The following CTNND2 variants were observed in gnomAD, a reference collection of about 807,000 sequenced individuals.
The protein encoded by CTNND2 is catenin delta-2.
CTNND2 carries 22 observed loss-of-function variants against 144.4 expected under a neutral mutation model. The ratio of observed to expected loss-of-function variants is 0.15; its 90% CI spans 0.11 to 0.22. The LOEUF is 0.22. CTNND2 is among the 10% of genes least tolerant of loss of function. The probability of loss-of-function intolerance (pLI) is 1.00; values close to 1 mark genes in which losing one functional copy is unlikely to be tolerated. For synonymous variants in CTNND2, 751 were observed against 695.6 expected (o/e 1.08, Z -1.25); for missense variants, 1,353 against 1,618.8 (o/e 0.84, Z 2.82).
chr5:11,600,337 C>A (rs73742871), intron 2 of CTNND2, among the ~76,000 whole-genome samples: 10,577 of 152,154 alleles, frequency 0.07, 773 homozygotes, highest in African/African-American at 0.18. Context: ...TATGTATCAA[C>A]TATTTTCCAC....
At chr5:11,304,740 G>A (rs187348820) in intron 9 of CTNND2, among the ~76,000 whole-genome samples, 6 of 152,192 alleles carry the variant, frequency 3.9e-5, no homozygotes, top group East Asian at 3.9e-4. Context: ...CTGTGCTCTC[G>A]GCAGAGAGTC....
chr5:11,768,149 G>A (rs1249581621), intron 1 of CTNND2, among the ~76,000 whole-genome samples: 3 of 152,048 alleles, frequency 2.0e-5, no homozygotes, highest in Non-Finnish European at 4.4e-5. Context: ...GTTTTCTGTG[G>A]TCTCTTCATT....
At position 11,225,301 on chromosome 5, in the gene CTNND2, G is replaced by A. The variant is rs927797180; in HGVS notation, c.1761+11390C>T. On this transcript the variant is annotated intron_variant, in intron 10 of 21. Transcript: ENST00000304623. ...GTGTAATCACTCTGAGCTTCCTTTT[G>A]GTTTTCTCTTAAAATCCTCTACTCC... 7.9e-5 allele frequency among the ~76,000 whole-genome samples: 12 copies of A among 152,154 alleles called. 1 individual carries two copies. Among genetic ancestry groups the A allele is most frequent in the Admixed American group, 3.9e-4 (6 of 15,294 alleles).
rs1316808911 is a variant in CTNND2 at position 11,396,938 on chromosome 5, G to T, written c.612+93C>A. 5.4e-6 allele frequency: 7 copies of T among 1,289,978 alleles called. No homozygotes were observed. In the Admixed American group the frequency reaches 1.6e-4, roughly 29 times the overall value. The allele number at this position is 1,289,978 out of a possible 1,614,324, so 79.9% of individuals were successfully genotyped here. The stretch of plus-strand genomic sequence containing the variant: ...GAGGGACACACCTACAAAAAAGGCA[G>T]GCTGGATCTCCACAATCTCCACATC... On this transcript the variant is annotated intron_variant, in intron 6 of 21. Coordinates refer to ENST00000304623, the MANE Select transcript of CTNND2 (RefSeq NM_001332.4).
In CTNND2 at chr5:11,025,167, T is replaced by G. The variant is rs16901210; in HGVS notation, c.2789-2188A>C. ...TTATCAGTCTATCTGGAGGAATATA[T>G]TTTAGTCCAAATTTTTGACCATCCA... On this transcript the variant is annotated intron_variant, in intron 16 of 21. Coordinates refer to ENST00000304623, the MANE Select transcript of CTNND2 (RefSeq NM_001332.4). Among the ~76,000 whole-genome samples the G allele has an allele frequency of 1.3e-3, 195 of 152,340 alleles. 4 individuals are homozygous for G. In the East Asian group the frequency reaches 0.034, roughly 27 times the overall value.
At chr5:11,873,944 C>T (rs372193444) in intron 1 of CTNND2, among the ~76,000 whole-genome samples, 2 of 152,274 alleles carry the variant, frequency 1.3e-5, no homozygotes, top group South Asian at 4.1e-4. Context: ...CTAGAAAAGG[C>T]AATCTAATAT....
At chr5:11,838,140 C>T (rs75537503) in intron 1 of CTNND2, among the ~76,000 whole-genome samples, 2,327 of 152,280 alleles carry the variant, frequency 0.015, 69 homozygotes, top group African/African-American at 0.053. Flanking sequence ...TCCTATAAAA[C>T]ATGCCCTTCC....
At chr5:11,211,881 T>A (rs1738675725) in intron 10 of CTNND2, among the ~76,000 whole-genome samples, 1 of 152,192 alleles carries the variant, frequency 6.6e-6, no homozygotes, top group African/African-American at 2.4e-5. Context: ...AAAGAATTTA[T>A]GATAGAAATG....
At chr5:11,697,186 C>T (rs1785181722) in intron 2 of CTNND2, among the ~76,000 whole-genome samples, 1 of 152,146 alleles carries the variant, frequency 6.6e-6, no homozygotes, top group Admixed American at 6.5e-5. Flanking sequence ...GTCAGAATTG[C>T]TCTCACTTTC....
intron 20 of CTNND2, among the ~76,000 whole-genome samples, chr5:10,984,795 C>T (rs189924034): frequency 1.3e-4 from 20 of 152,226 alleles, no homozygotes; most frequent in African/African-American, 4.6e-4. Context: ...CATAAGAGGC[C>T]GGGTGTGGTG....
chr5:11,030,754 G>GTTTTTTTTTTT (rs61312361), intron 16 of CTNND2, among the ~76,000 whole-genome samples: 6 of 100,724 alleles, frequency 6.0e-5, no homozygotes, highest in Admixed American at 9.8e-5. Context: ...TATGGTTTCT[G>GTTTTTTTTTTT]TTTTTTTTTT....
intron 16 of CTNND2, among the ~76,000 whole-genome samples, chr5:11,080,449 T>C (rs1228451761): frequency 6.6e-6 from 1 of 152,226 alleles, no homozygotes; most frequent in African/African-American, 2.4e-5. Flanking sequence ...AATTACTATA[T>C]GATCCAGTAA....
chr5:11,558,492 C>A (rs527890406), intron 3 of CTNND2, among the ~76,000 whole-genome samples: 20 of 152,198 alleles, frequency 1.3e-4, no homozygotes, highest in African/African-American at 4.6e-4. Flanking sequence ...TAGCCTCCAG[C>A]GTAGCTGGAA....
chr5:11,492,647 T>C (rs1489481638), intron 3 of CTNND2, among the ~76,000 whole-genome samples: 2 of 151,824 alleles, frequency 1.3e-5, no homozygotes, highest in African/African-American at 4.8e-5. Context: ...AATAGATATA[T>C]ATGTCTTTAT....
At chr5:11,795,593 A>T (rs969300101) in intron 1 of CTNND2, among the ~76,000 whole-genome samples, 1 of 152,198 alleles carries the variant, frequency 6.6e-6, no homozygotes, top group Non-Finnish European at 1.5e-5. Flanking sequence ...AGAAGGGGAA[A>T]TGAAAGAACT....
At chr5:11,359,966 C>G (rs961053164) in intron 8 of CTNND2, among the ~76,000 whole-genome samples, 1 of 152,184 alleles carries the variant, frequency 6.6e-6, no homozygotes, top group African/African-American at 2.4e-5. Context: ...GGGTACCCTG[C>G]TCCTTGGACA....
intron 3 of CTNND2, among the ~76,000 whole-genome samples, chr5:11,414,292 T>C (rs1761757587): frequency 6.6e-6 from 1 of 152,178 alleles, no homozygotes; most frequent in Non-Finnish European, 1.5e-5. Flanking sequence ...AATAAATTTC[T>C]ATTGTTTTAA....
At chr5:11,867,875 A>G (rs1560946109) in intron 1 of CTNND2, among the ~76,000 whole-genome samples, 1 of 151,356 alleles carries the variant, frequency 6.6e-6, no homozygotes, top group Non-Finnish European at 1.5e-5. Flanking sequence ...AAAAACAGAA[A>G]CAGTGTAAGC....
At chr5:11,713,080 C>G (rs1053025274) in intron 2 of CTNND2, among the ~76,000 whole-genome samples, 1 of 152,144 alleles carries the variant, frequency 6.6e-6, no homozygotes, top group Non-Finnish European at 1.5e-5. Context: ...ATATTCCTCT[C>G]CTTATGAAAA....
Sources: allele counts gnomAD v4.1 joint callset (sites outside exome capture counted in the v4.1 genomes callset), GRCh38; gene constraint gnomAD v4.1.1; transcripts MANE v1.5; gene names NCBI Gene and HGNC (gene_info 2026-07-23, HGNC 2026-07-21).